PDE1A: variants seen among roughly 807,000 people sequenced by gnomAD.
The protein encoded by PDE1A is phosphodiesterase 1A.
In PDE1A, 35 loss-of-function variants were observed where a neutral mutation model predicts 61.7. That is an observed-to-expected ratio of 0.57 (90% CI 0.43 to 0.75). PDE1A has a LOEUF of 0.75. Among genes scored for constraint, PDE1A ranks in the 30% least tolerant of loss-of-function variants. The pLI is 0.00. For missense variants in PDE1A, 597 were observed against 630.6 expected (o/e 0.95, Z 0.57); for synonymous variants, 232 against 213.2 (o/e 1.09, Z -0.77).
At chr2:182,491,174 T>G (rs1417557687) in intron 2 of PDE1A, among the ~76,000 whole-genome samples, 1 of 152,170 alleles carries the variant, frequency 6.6e-6, no homozygotes, top group Non-Finnish European at 1.5e-5. Flanking sequence ...CACTTGCAGT[T>G]TGTGGTCATA....
chr2:182,594,755 C>T, the PDE1A span, among the ~76,000 whole-genome samples: 59 of 152,164 alleles, frequency 3.9e-4, 1 homozygote, highest in Non-Finnish European at 4.4e-5. Context: ...TGTTTTTAAG[C>T]AGGCACGGAG....
intron 1 of PDE1A, among the ~76,000 whole-genome samples, chr2:182,310,130 T>C (rs1392535014): frequency 6.6e-6 from 1 of 152,192 alleles, no homozygotes; most frequent in African/African-American, 2.4e-5. Flanking sequence ...CTTAATTTCA[T>C]CTTTGAAATA....
chr2:182,329,696 A>G (rs1469862289), intron 1 of PDE1A, among the ~76,000 whole-genome samples: 1 of 152,128 alleles, frequency 6.6e-6, no homozygotes, highest in African/African-American at 2.4e-5. Context: ...TGGCCTGTCT[A>G]ATTACCAAAT....
chr2:182,180,948 G>A (rs961170321), intron 13 of PDE1A, among the ~76,000 whole-genome samples: 7 of 151,804 alleles, frequency 4.6e-5, no homozygotes, highest in African/African-American at 1.7e-4. Flanking sequence ...GGTCATTTAT[G>A]TTCCTCTCTA....
At chr2:182,262,843 A>C (rs1692320817) in intron 2 of PDE1A, among the ~76,000 whole-genome samples, 2 of 152,190 alleles carry the variant, frequency 1.3e-5, no homozygotes. Context: ...ACAAAATAAA[A>C]ATATGTAATA....
chr2:182,667,150 C>G, the PDE1A span, among the ~76,000 whole-genome samples: 10 of 152,286 alleles, frequency 6.6e-5, no homozygotes, highest in Middle Eastern at 3.4e-3. Context: ...TTTTTAGCCA[C>G]CAGACCTGCA....
intron 1 of PDE1A, among the ~76,000 whole-genome samples, chr2:182,305,533 T>G (rs922523463): frequency 6.6e-6 from 1 of 152,162 alleles, no homozygotes; most frequent in Non-Finnish European, 1.5e-5. Flanking sequence ...AATTCAGTAC[T>G]GTATGCCTCT....
chr2:182,589,696 C>T, the PDE1A span, among the ~76,000 whole-genome samples: 956 of 152,330 alleles, frequency 6.3e-3, 9 homozygotes, highest in African/African-American at 0.022. Flanking sequence ...ATCTAAATCT[C>T]ACTGCTCTGA....
intron 1 of PDE1A, among the ~76,000 whole-genome samples, chr2:182,266,348 T>C (rs189085140): frequency 6.6e-6 from 1 of 152,242 alleles, no homozygotes; most frequent in East Asian, 1.9e-4. Flanking sequence ...GGTTTTGAGA[T>C]TTTTGTAATG....
chr2:182,702,801 G>A, the PDE1A span, among the ~76,000 whole-genome samples: 2 of 152,030 alleles, frequency 1.3e-5, no homozygotes, highest in Admixed American at 1.3e-4. Flanking sequence ...GGCTAGTGTT[G>A]CTCCTCCTCT....
At chr2:182,357,363 T>A (rs1232073284) in intron 1 of PDE1A, among the ~76,000 whole-genome samples, 1 of 152,086 alleles carries the variant, frequency 6.6e-6, no homozygotes, top group Non-Finnish European at 1.5e-5. Flanking sequence ...TCTGAACACG[T>A]AGATGACATC....
chr2:182,427,123 G>T (rs985956639), upstream of PDE1A: 6 of 479,250 alleles, frequency 1.3e-5, no homozygotes, highest in Non-Finnish European at 1.6e-5. Context: ...TGGTTCAGCA[G>T]CCCCATGTGA....
chr2:182,582,822 A>G, the PDE1A span, among the ~76,000 whole-genome samples: 1 of 152,176 alleles, frequency 6.6e-6, no homozygotes, highest in Non-Finnish European at 1.5e-5. Context: ...AGGATCAGAG[A>G]TATAACCTGT....
the PDE1A span, among the ~76,000 whole-genome samples, chr2:182,592,115 G>C: frequency 2.0e-5 from 3 of 152,126 alleles, no homozygotes; most frequent in Admixed American, 2.0e-4. Context: ...TAATTTCGAT[G>C]CCAGCTTGGT....
At chr2:182,639,438 CA>C in the PDE1A span, among the ~76,000 whole-genome samples, 1 of 152,062 alleles carries the variant, frequency 6.6e-6, no homozygotes, top group Admixed American at 6.5e-5. Context: ...CAGGGTGGCA[CA>C]CACCTGTAAT....
chr2:182,527,327 A>AT (rs1559543429), upstream of PDE1A, among the ~76,000 whole-genome samples: 4 of 20,708 alleles, frequency 1.9e-4, no homozygotes, highest in African/African-American at 4.5e-4. Context: ...AAAAAAAAAA[A>AT]ATATATATAT....
upstream of PDE1A, among the ~76,000 whole-genome samples, chr2:182,431,218 C>T (rs1444370178): frequency 6.6e-6 from 1 of 151,236 alleles, no homozygotes; most frequent in Admixed American, 6.6e-5. Flanking sequence ...GATTAGAGTA[C>T]CTCACACACC....
chr2:182,420,018 A>G (rs946540909), intron 1 of PDE1A, among the ~76,000 whole-genome samples: 8 of 149,116 alleles, frequency 5.4e-5, no homozygotes, highest in African/African-American at 1.8e-4. Context: ...TATAATAATT[A>G]TAATAGAAGT....
chr2:182,716,668 G>C, the PDE1A span, among the ~76,000 whole-genome samples: 9 of 152,160 alleles, frequency 5.9e-5, no homozygotes, highest in Non-Finnish European at 1.2e-4. Flanking sequence ...CCTCTGCCCA[G>C]CGATTCCCTC....
Sources: gnomAD v4.1 joint callset for allele counts (sites outside exome capture counted in the v4.1 genomes callset) on GRCh38, gnomAD v4.1.1 for gene constraint, MANE v1.5 for transcripts, NCBI Gene and HGNC (gene_info 2026-07-23, HGNC 2026-07-21) for gene names.